PPP1R1C: variants seen among roughly 807,000 people sequenced by gnomAD.
PPP1R1C encodes protein phosphatase 1 regulatory subunit 1C.
PPP1R1C carries 15 observed loss-of-function variants against 17.4 expected under a neutral mutation model. The observed-to-expected ratio is 0.86, with a 90% confidence interval of 0.58 to 1.33. PPP1R1C has a LOEUF of 1.33. Among genes scored for constraint, PPP1R1C ranks in the 40% most tolerant of loss-of-function variants. PPP1R1C has a pLI of 0.00. For synonymous variants in PPP1R1C, 35 were observed against 43.1 expected (o/e 0.81, Z 0.73); for missense variants, 143 against 130.0 (o/e 1.10, Z -0.48).
chr2:182,039,689 G>A (rs533733041), intron 2 of PPP1R1C, among the ~76,000 whole-genome samples: 2 of 152,170 alleles, frequency 1.3e-5, no homozygotes, highest in Non-Finnish European at 2.9e-5. Context: ...CTGGCACAAG[G>A]GGTTTTTGGT....
At chr2:182,116,701 G>A (rs1689593728) in intron 4 of PPP1R1C, among the ~76,000 whole-genome samples, 1 of 152,168 alleles carries the variant, frequency 6.6e-6, no homozygotes. Context: ...AGTTATTGAA[G>A]AATTTTGAAG....
At chr2:182,105,338 T>G (rs1485700946) in intron 4 of PPP1R1C, among the ~76,000 whole-genome samples, 2 of 152,152 alleles carry the variant, frequency 1.3e-5, no homozygotes, top group Non-Finnish European at 2.9e-5. Flanking sequence ...ACTTAAAAAT[T>G]GTGGTCAAAA....
chr2:182,106,653 C>A (rs1689262610), intron 4 of PPP1R1C, among the ~76,000 whole-genome samples: 1 of 152,140 alleles, frequency 6.6e-6, no homozygotes, highest in Non-Finnish European at 1.5e-5. Context: ...GGGCAAGAAT[C>A]CCCGGATACA....
chr2:182,024,942 A>T (rs1206303834), intron 2 of PPP1R1C, among the ~76,000 whole-genome samples: 2 of 150,674 alleles, frequency 1.3e-5, no homozygotes, highest in South Asian at 4.1e-4. Context: ...TAAAAAATTA[A>T]TATATTCTTC....
upstream of PPP1R1C, chr2:181,954,487 A>G (rs986204983): frequency 6.6e-6 from 1 of 152,158 alleles, no homozygotes; most frequent in African/African-American, 2.4e-5. Flanking sequence ...GTTACTTTAT[A>G]CTTTGAACTG....
chr2:181,979,352 C>G (rs11675275), intron 2 of PPP1R1C, among the ~76,000 whole-genome samples: 12 of 152,194 alleles, frequency 7.9e-5, no homozygotes, highest in Non-Finnish European at 1.5e-4. Flanking sequence ...CTATGCATCT[C>G]CCTCTCCATT....
chr2:182,104,444 T>C (rs1025044654), intron 4 of PPP1R1C, among the ~76,000 whole-genome samples: 3 of 152,220 alleles, frequency 2.0e-5, no homozygotes. Flanking sequence ...CTGCACCTAT[T>C]GAGGTGATCA....
chr2:182,064,610 C>T (rs1046251364), intron 4 of PPP1R1C, among the ~76,000 whole-genome samples: 1 of 151,958 alleles, frequency 6.6e-6, no homozygotes, highest in Non-Finnish European at 1.5e-5. Flanking sequence ...TGTATTTGCT[C>T]TAGATTTGGG....
intron 4 of PPP1R1C, among the ~76,000 whole-genome samples, chr2:182,093,000 G>C (rs941848254): frequency 6.6e-6 from 1 of 152,164 alleles, no homozygotes. Flanking sequence ...CCCCAGCAGG[G>C]ACTCTTTGTG....
At chr2:182,060,249 T>C (rs1003442815) in intron 2 of PPP1R1C, among the ~76,000 whole-genome samples, 2 of 152,170 alleles carry the variant, frequency 1.3e-5, no homozygotes, top group South Asian at 2.1e-4. Context: ...AATGGTTCCA[T>C]ATACTATTCC....
chr2:181,983,582 A>G (rs1034844616), upstream of PPP1R1C, among the ~76,000 whole-genome samples: 1 of 152,206 alleles, frequency 6.6e-6, no homozygotes, highest in South Asian at 2.1e-4. Flanking sequence ...TAGTTCTTCA[A>G]GTAAGAATTT....
At chr2:182,102,979 T>G (rs879446355) in intron 4 of PPP1R1C, among the ~76,000 whole-genome samples, 2 of 151,914 alleles carry the variant, frequency 1.3e-5, no homozygotes, top group East Asian at 3.9e-4. Flanking sequence ...GCTGATTTAT[T>G]TTTTTATAGA....
intron 4 of PPP1R1C, among the ~76,000 whole-genome samples, chr2:182,086,532 T>C (rs968468551): frequency 6.6e-6 from 1 of 152,156 alleles, no homozygotes; most frequent in Non-Finnish European, 1.5e-5. Context: ...AAATGTGATG[T>C]GAGGAAATTG....
chr2:182,059,693 A>T (rs1212293361), intron 2 of PPP1R1C, among the ~76,000 whole-genome samples: 1 of 151,918 alleles, frequency 6.6e-6, no homozygotes, highest in Non-Finnish European at 1.5e-5. Context: ...CGACATAAAT[A>T]ATTGATTTTA....
chr2:182,100,708 A>C (rs1689074878), intron 4 of PPP1R1C, among the ~76,000 whole-genome samples: 2 of 152,188 alleles, frequency 1.3e-5, no homozygotes, highest in African/African-American at 4.8e-5. Context: ...CCTCTTTCCC[A>C]TTCCCTTTGT....
intron 2 of PPP1R1C, among the ~76,000 whole-genome samples, chr2:182,021,800 A>G (rs1024873239): frequency 2.0e-5 from 3 of 152,240 alleles, no homozygotes; most frequent in African/African-American, 7.2e-5. Flanking sequence ...TCTAGAAAGT[A>G]TCAGGATATA....
intron 2 of PPP1R1C, among the ~76,000 whole-genome samples, chr2:182,011,621 T>G (rs959838065): frequency 6.6e-6 from 1 of 152,046 alleles, no homozygotes; most frequent in Non-Finnish European, 1.5e-5. Context: ...CATTTTCTAC[T>G]GCTTTGTTCT....
chr2:182,090,318 A>AGTGTGTGT (rs1559088788), intron 4 of PPP1R1C, among the ~76,000 whole-genome samples: 2,816 of 104,472 alleles, frequency 0.027, 83 homozygotes, highest in African/African-American at 0.12. Flanking sequence ...TGTGTGTGTC[A>AGTGTGTGT]GAGAGAGACA....
At chr2:182,082,912 G>A (rs76918565) in intron 4 of PPP1R1C, among the ~76,000 whole-genome samples, 3,854 of 152,150 alleles carry the variant, frequency 0.025, 181 homozygotes, top group Admixed American at 0.12. Context: ...ATACCCAGCG[G>A]GAGACCACGG....
Sources: allele counts gnomAD v4.1 joint callset (sites outside exome capture counted in the v4.1 genomes callset), GRCh38; gene constraint gnomAD v4.1.1; transcripts MANE v1.5; gene names NCBI Gene and HGNC (gene_info 2026-07-23, HGNC 2026-07-21).